The following ARMC9 variants were observed in gnomAD, a reference collection of about 807,000 sequenced individuals.
The protein encoded by ARMC9 is armadillo repeat containing 9.
ARMC9 carries 94 observed loss-of-function variants against 107.0 expected under a neutral mutation model. The ratio of observed to expected loss-of-function variants is 0.88; its 90% CI spans 0.74 to 1.04. The LOEUF (loss-of-function observed/expected upper bound fraction) is 1.04, where lower values mean the gene tolerates loss of function less well. ARMC9 is among the 50% of genes least tolerant of loss of function. ARMC9 has a pLI of 0.00. For missense variants in ARMC9, 942 were observed against 1,030.1 expected (o/e 0.91, Z 1.17); for synonymous variants, 380 against 396.9 (o/e 0.96, Z 0.51).
intron 4 of ARMC9, 121 bp downstream of exon 4, chr2:231,215,122 A>G (rs950685295): frequency 8.9e-7 from 1 of 1,123,800 alleles, no homozygotes; most frequent in African/African-American, 1.6e-5. Flanking sequence ...CTTACGAGGT[A>G]CAGGCATCCT....
chr2:231,316,361 C>G (rs929876522), intron 19 of ARMC9, among the ~76,000 whole-genome samples: 3 of 151,828 alleles, frequency 2.0e-5, no homozygotes, highest in Non-Finnish European at 4.4e-5. Context: ...AGTTTCACTG[C>G]ATATAGAATT....
rs2046173347 is a variant in ARMC9, at chr2:231,375,587, G to A, written c.*4052G>A. On this transcript the variant is annotated 3_prime_UTR_variant, in exon 25 of 25. Transcript: ENST00000611582. The surrounding 1 kb of genome is among the most constrained non-coding windows in gnomAD (Gnocchi z 4.3). ...GCAGTGTGTCAGATGTGGAGACATGGTCCCACTGGCTTTCAAGTTGCCATC... is the reference window on the plus strand; with the variant it reads ...GCAGTGTGTCAGATGTGGAGACATGATCCCACTGGCTTTCAAGTTGCCATC... Among the ~76,000 whole-genome samples the A allele has an allele frequency of 6.6e-6, 1 of 152,202 alleles. No homozygotes were observed. The highest frequency in any genetic ancestry group is 6.5e-5 in the Admixed American group (1 of 15,280).
intron 10 of ARMC9, among the ~76,000 whole-genome samples, chr2:231,257,812 T>TA (rs1234152270): frequency 6.6e-6 from 1 of 152,248 alleles, no homozygotes; most frequent in Non-Finnish European, 1.5e-5. Flanking sequence ...CTATCATTGA[T>TA]ACAGTACTGT....
At chr2:231,329,229 A>G (rs1357732468) in intron 19 of ARMC9, among the ~76,000 whole-genome samples, 1 of 152,200 alleles carries the variant, frequency 6.6e-6, no homozygotes, top group Non-Finnish European at 1.5e-5. Flanking sequence ...ACACCTGTAA[A>G]TAAATATGGG....
intron 11 of ARMC9, 111 bp downstream of exon 11, chr2:231,259,213 C>T (rs1224743945): frequency 1.2e-5 from 11 of 938,926 alleles, no homozygotes; most frequent in African/African-American, 8.4e-5. Flanking sequence ...CTTTCTTCCC[C>T]GCTGTCTGCT....
Position 231,214,902 on chromosome 2 carries a change from A to C in ARMC9, c.249A>C (p.Ser83=), listed in dbSNP as rs752044276. ...TCGATCTGTGGGAGGAGCACATTTC[A>C]AGTTCCATCCGAGATGGGGACTCCT... ...VFFDLWEEHI[S]SSIRDGDSFA... The change falls in exon 4 of 25, where the codon TCA becomes TCC. Residue 83 remains serine (S), a synonymous_variant. Coordinates refer to ENST00000611582, the MANE Select transcript of ARMC9 (RefSeq NM_001352754.2). 34 of 1,614,160 alleles carry C rather than the reference A, an allele frequency of 2.1e-5. No homozygotes were observed. Among genetic ancestry groups the C allele is most frequent in the South Asian group, 1.2e-4 (11 of 91,078 alleles).
intron 5 of ARMC9, among the ~76,000 whole-genome samples, chr2:231,217,759 C>G (rs563191918): frequency 6.6e-6 from 1 of 152,072 alleles, no homozygotes; most frequent in Admixed American, 6.6e-5. Context: ...GGCGCGATCT[C>G]GGCTCACTGC....
intron 19 of ARMC9, among the ~76,000 whole-genome samples, chr2:231,325,864 C>T (rs1322790980): frequency 2.0e-5 from 3 of 152,194 alleles, no homozygotes; most frequent in Non-Finnish European, 2.9e-5. Flanking sequence ...AACTCAGGTG[C>T]AGCAGCAGAA....
intron 5 of ARMC9, among the ~76,000 whole-genome samples, chr2:231,219,975 G>T (rs186224161): frequency 6.6e-6 from 1 of 152,070 alleles, no homozygotes; most frequent in Non-Finnish European, 1.5e-5. Flanking sequence ...GACTATAGGC[G>T]TGCGCCACCA....
chr2:231,255,719 T>C lies in ARMC9; in HGVS notation c.880-867T>C, dbSNP rs1250367899. Among the ~76,000 whole-genome samples, 1 of 152,116 alleles carries C rather than the reference T, an allele frequency of 6.6e-6. No individual in the cohort carries two copies. Among genetic ancestry groups the C allele is most frequent in the Non-Finnish European group, 1.5e-5 (1 of 68,020 alleles). On this transcript the variant is annotated intron_variant, in intron 9 of 24. Coordinates refer to ENST00000611582, the MANE Select transcript of ARMC9 (RefSeq NM_001352754.2). The surrounding 1 kb of genome is among the most constrained non-coding windows in gnomAD (Gnocchi z 4.7). ...ATTTTTACATCGTATGTGACTTTGGTTGGTGAATCCTGGTGGATTAAAACT... is the reference window on the plus strand; with the variant it reads ...ATTTTTACATCGTATGTGACTTTGGCTGGTGAATCCTGGTGGATTAAAACT...
rs573998205 is a variant in ARMC9 at position 231,232,704 on chromosome 2, G to A, written c.623-2520G>A. On this transcript the variant is annotated intron_variant, in intron 7 of 24. Transcript: ENST00000611582. ...GACCTCAGGTGATCCACCTGCCTTG[G>A]CCTCCCAAAGTGTTGGGATTACAGG... 6.6e-5 allele frequency among the ~76,000 whole-genome samples: 10 copies of A among 151,816 alleles called. No homozygotes were observed. The East Asian group carries it at 1.8e-3, about 27-fold the overall frequency.
chr2:231,259,971 C>T (rs554459625), intron 11 of ARMC9, among the ~76,000 whole-genome samples: 4 of 152,168 alleles, frequency 2.6e-5, no homozygotes, highest in African/African-American at 4.8e-5. Context: ...ACTCCAGCCT[C>T]GGTGACAGAG....
Position 231,333,284 on chromosome 2 carries a change from G to A in ARMC9, c.1878+1387G>A, listed in dbSNP as rs138211513. Among the ~76,000 whole-genome samples the A allele has an allele frequency of 3.3e-5, 5 of 152,326 alleles. No homozygotes were observed. The East Asian group carries it at 9.6e-4, about 29-fold the overall frequency. On this transcript the variant is annotated intron_variant, in intron 20 of 24. Transcript: ENST00000611582. ...ATTTACAAGAGCTAGGACGCCACTG[G>A]AGGTGAGAGCAAGGAAGTGACTCGG...
chr2:231,220,575 C>A (rs1485987617), intron 5 of ARMC9, among the ~76,000 whole-genome samples: 1 of 127,970 alleles, frequency 7.8e-6, no homozygotes, highest in Non-Finnish European at 1.6e-5. Flanking sequence ...CCAGTTTGGG[C>A]AACAGAGCGA....
intron 19 of ARMC9, among the ~76,000 whole-genome samples, chr2:231,314,556 T>C (rs753200344): frequency 3.9e-5 from 6 of 152,218 alleles, no homozygotes; most frequent in Non-Finnish European, 7.3e-5. Flanking sequence ...TAATTCTTTG[T>C]TGGGGAGGCT....
chr2:231,360,651 T>TGGGGTGC lies in ARMC9; in HGVS notation c.2132-101_2132-95dup. On this transcript the variant is annotated intron_variant, in intron 22 of 24. Coordinates refer to ENST00000611582, the MANE Select transcript of ARMC9 (RefSeq NM_001352754.2). The surrounding 1 kb of genome is among the most constrained non-coding windows in gnomAD (Gnocchi z 4.7). ...GCCAGGGAGCCCGCAGGGCCTGGCC[T>TGGGGTGC]GGGGTGCGTGCTTTTCTTGGCTTTC... 6.6e-7 allele frequency: 1 copy of TGGGGTGC among 1,516,128 alleles called. No homozygotes were observed. The highest frequency in any genetic ancestry group is 8.9e-7 in the Non-Finnish European group (1 of 1,129,578). The allele number at this position is 1,516,128 out of a possible 1,614,324, so 93.9% of individuals were successfully genotyped here.
In ARMC9 at chr2:231,371,665, C is replaced by A; in HGVS notation, c.*130C>A. ...AAGACTCTGGGAGCTGAGGGGAGGC[C>A]GGCTCTCCAGGCAGCACCAGAGCAA... On this transcript the variant is annotated 3_prime_UTR_variant, in exon 25 of 25. Transcript: ENST00000611582. 1.0e-6 allele frequency: 1 copy of A among 981,054 alleles called. No individual in the cohort carries two copies. Among genetic ancestry groups the A allele is most frequent in the Non-Finnish European group, 1.3e-6 (1 of 759,208 alleles). The allele number at this position is 981,054 out of a possible 1,614,324, so 60.8% of individuals were successfully genotyped here.
intron 17 of ARMC9, 137 bp downstream of exon 17, chr2:231,282,270 GT>G: frequency 1.2e-6 from 1 of 842,184 alleles, no homozygotes; most frequent in Non-Finnish European, 1.9e-6. Flanking sequence ...TATGTAAAAT[GT>G]ATATTTGCCA....
At chr2:231,313,287 A>C (rs930205070) in intron 19 of ARMC9, among the ~76,000 whole-genome samples, 6 of 152,230 alleles carry the variant, frequency 3.9e-5, no homozygotes, top group Non-Finnish European at 8.8e-5. Flanking sequence ...TAGCCACTTC[A>C]GCTCTCTCAT....
Sources: gnomAD v4.1 joint callset for allele counts (sites outside exome capture counted in the v4.1 genomes callset) on GRCh38, gnomAD v4.1.1 for gene constraint, Gnocchi (gnomAD v3.1) non-coding constraint, MANE v1.5 for transcripts, NCBI Gene and HGNC (gene_info 2026-07-23, HGNC 2026-07-21) for gene names.